The following GRIK2 variants were observed in gnomAD, a reference collection of about 807,000 sequenced individuals.
GRIK2 encodes the protein glutamate receptor ionotropic, kainate 2.
Under a neutral mutation model 100.3 loss-of-function variants are expected in GRIK2, and 32 were observed. The ratio of observed to expected loss-of-function variants is 0.32; its 90% CI spans 0.24 to 0.43. GRIK2 has a LOEUF of 0.43. Among genes scored for constraint, GRIK2 ranks in the 20% least tolerant of loss-of-function variants. The probability of loss-of-function intolerance (pLI) is 1.00; values close to 1 mark genes in which losing one functional copy is unlikely to be tolerated. For missense variants in GRIK2, 843 were observed against 1,114.9 expected (o/e 0.76, Z 3.47); for synonymous variants, 417 against 389.4 (o/e 1.07, Z -0.83).
intron 11 of GRIK2, among the ~76,000 whole-genome samples, chr6:101,887,460 C>G (rs1490290949): frequency 1.4e-5 from 2 of 147,150 alleles, no homozygotes; most frequent in Non-Finnish European, 3.0e-5. Flanking sequence ...GCTGTGTAGT[C>G]AACCCTCCAA....
intron 2 of GRIK2, among the ~76,000 whole-genome samples, chr6:101,507,132 T>C (rs1774064504): frequency 6.6e-6 from 1 of 152,110 alleles, no homozygotes; most frequent in African/African-American, 2.4e-5. Context: ...TTAGGAATCT[T>C]GAAATCATAC....
chr6:101,937,466 T>C (rs758665300), intron 14 of GRIK2, among the ~76,000 whole-genome samples: 1 of 152,110 alleles, frequency 6.6e-6, no homozygotes, highest in South Asian at 2.1e-4. Context: ...CAAGAGTTCA[T>C]AGCCACTGGT....
chr6:101,714,658 C>T (rs1236872601), intron 7 of GRIK2, among the ~76,000 whole-genome samples: 1 of 151,746 alleles, frequency 6.6e-6, no homozygotes, highest in Non-Finnish European at 1.5e-5. Flanking sequence ...AGTTTTATCA[C>T]AAACAATGTC....
At chr6:101,704,385 G>A (rs1248518363) in intron 7 of GRIK2, among the ~76,000 whole-genome samples, 1 of 151,660 alleles carries the variant, frequency 6.6e-6, no homozygotes, top group African/African-American at 2.4e-5. Context: ...GGTCATTTGA[G>A]TCACTGGGCT....
chr6:101,547,056 C>T (rs1185007031), intron 2 of GRIK2, among the ~76,000 whole-genome samples: 1 of 151,614 alleles, frequency 6.6e-6, no homozygotes, highest in Non-Finnish European at 1.5e-5. Flanking sequence ...TGGTCTCGAT[C>T]TCTTGACCTC....
chr6:101,835,385 A>G (rs1783000495), intron 10 of GRIK2, among the ~76,000 whole-genome samples: 1 of 151,170 alleles, frequency 6.6e-6, no homozygotes. Context: ...TGAAAATGTC[A>G]TTCCTTCATC....
chr6:101,942,328 A>T (rs1457921299), intron 14 of GRIK2, among the ~76,000 whole-genome samples: 1 of 152,184 alleles, frequency 6.6e-6, no homozygotes, highest in East Asian at 1.9e-4. Flanking sequence ...CTAATATAGA[A>T]ATTGGTACCA....
At chr6:101,579,849 TAAAAA>T (rs756184787) in intron 2 of GRIK2, among the ~76,000 whole-genome samples, 1 of 128,912 alleles carries the variant, frequency 7.8e-6, no homozygotes, top group South Asian at 2.5e-4. Context: ...GACTGTGTCT[TAAAAA>T]AAAAAAAAAA....
intron 11 of GRIK2, among the ~76,000 whole-genome samples, chr6:101,866,160 A>G (rs1785043759): frequency 1.3e-5 from 2 of 152,162 alleles, no homozygotes. Context: ...TGCCTTCCTC[A>G]CCATAATTGT....
At chr6:101,936,278 T>C (rs1034783315) in intron 14 of GRIK2, among the ~76,000 whole-genome samples, 1 of 152,068 alleles carries the variant, frequency 6.6e-6, no homozygotes, top group Non-Finnish European at 1.5e-5. Context: ...TATAGTCATA[T>C]AATTTTCCTA....
At chr6:101,576,859 T>G (rs1207756927) in intron 2 of GRIK2, among the ~76,000 whole-genome samples, 3 of 151,676 alleles carry the variant, frequency 2.0e-5, no homozygotes, top group Non-Finnish European at 4.4e-5. Flanking sequence ...TGGCAAGTAC[T>G]AGAGAGACAC....
chr6:101,952,423 T>C (rs1791656368), intron 14 of GRIK2, among the ~76,000 whole-genome samples: 1 of 152,210 alleles, frequency 6.6e-6, no homozygotes, highest in South Asian at 2.1e-4. Flanking sequence ...TTAGCTTTTC[T>C]TTCCATGTGA....
chr6:101,671,958 G>C (rs914712023), intron 4 of GRIK2, among the ~76,000 whole-genome samples: 1 of 152,246 alleles, frequency 6.6e-6, no homozygotes, highest in Admixed American at 6.5e-5. Flanking sequence ...CACTTCGAGA[G>C]CTGCTGATCT....
At chr6:101,425,077 T>G (rs1776631649) in intron 2 of GRIK2, among the ~76,000 whole-genome samples, 1 of 147,350 alleles carries the variant, frequency 6.8e-6, no homozygotes, top group Admixed American at 6.7e-5. Context: ...GTTGGACATG[T>G]GGGTTGGTTC....
chr6:102,064,660 A>T lies in GRIK2; in HGVS notation c.2563-3687A>T, dbSNP rs151036144. On this transcript the variant is annotated intron_variant, in intron 16 of 16. Coordinates refer to ENST00000369134, the MANE Select transcript of GRIK2 (RefSeq NM_021956.5). ...ATGATAATACGTTAGAATTTTACTT[A>T]AAAGTTAGACACAGTAAATTTTGGG... 2.6e-3 allele frequency among the ~76,000 whole-genome samples: 394 copies of T among 151,320 alleles called. 1 individual carries two copies. The highest frequency in any genetic ancestry group is 9.0e-3 in the African/African-American group (372 of 41,462).
chr6:102,023,797 A>G (rs1769552095), intron 14 of GRIK2, among the ~76,000 whole-genome samples: 1 of 151,500 alleles, frequency 6.6e-6, no homozygotes, highest in Non-Finnish European at 1.5e-5. Flanking sequence ...GGGTTGGGTT[A>G]AACAGTTCAA....
At chr6:102,029,109 TC>T (rs768986362) in intron 14 of GRIK2, among the ~76,000 whole-genome samples, 3 of 151,212 alleles carry the variant, frequency 2.0e-5, no homozygotes, top group African/African-American at 2.4e-5. Context: ...GTGTCTCAAT[TC>T]CTGAGTCTTT....
intron 2 of GRIK2, among the ~76,000 whole-genome samples, chr6:101,412,579 C>A (rs948551369): frequency 6.6e-6 from 1 of 151,924 alleles, no homozygotes; most frequent in African/African-American, 2.4e-5. Context: ...CAGAAGCTTT[C>A]TTTTTGGACT....
intron 2 of GRIK2, among the ~76,000 whole-genome samples, chr6:101,553,602 G>T (rs906085967): frequency 1.1e-4 from 16 of 152,172 alleles, no homozygotes; most frequent in African/African-American, 3.9e-4. Flanking sequence ...CTGTAATTTG[G>T]TTACTAGATA....
Sources: gnomAD v4.1 joint callset for allele counts (sites outside exome capture counted in the v4.1 genomes callset) on GRCh38, gnomAD v4.1.1 for gene constraint, MANE v1.5 for transcripts, NCBI Gene and HGNC (gene_info 2026-07-23, HGNC 2026-07-21) for gene names.